ZNF827: variants seen among roughly 807,000 people sequenced by gnomAD.
ZNF827 encodes the protein zinc finger protein 827.
In ZNF827, 13 loss-of-function variants were observed where a neutral mutation model predicts 102.4. That is an observed-to-expected ratio of 0.13 (90% CI 0.08 to 0.20). ZNF827 has a LOEUF of 0.20. Among genes scored for constraint, ZNF827 ranks in the 10% least tolerant of loss-of-function variants. The pLI, the probability that ZNF827 is intolerant of heterozygous loss-of-function variation, is 1.00. For synonymous variants in ZNF827, 523 were observed against 536.2 expected (o/e 0.98, Z 0.34); for missense variants, 1,103 against 1,344.4 (o/e 0.82, Z 2.81).
At chr4:145,841,221 G>A (rs1477327970) in intron 7 of ZNF827, among the ~76,000 whole-genome samples, 3 of 152,196 alleles carry the variant, frequency 2.0e-5, no homozygotes, top group Non-Finnish European at 4.4e-5. Flanking sequence ...CATTGAGCAT[G>A]TCCAATTCAC....
At chr4:145,787,793 A>G (rs906227386) in intron 8 of ZNF827, among the ~76,000 whole-genome samples, 1 of 152,092 alleles carries the variant, frequency 6.6e-6, no homozygotes, top group Admixed American at 6.5e-5. Context: ...GATACTTCCA[A>G]TCCAACTCCT....
At chr4:145,862,661 G>A (rs1747843428) in intron 5 of ZNF827, among the ~76,000 whole-genome samples, 1 of 152,166 alleles carries the variant, frequency 6.6e-6, no homozygotes, top group African/African-American at 2.4e-5. Flanking sequence ...TTTGCCATCA[G>A]ACATATAAAG....
intron 8 of ZNF827, among the ~76,000 whole-genome samples, chr4:145,791,510 T>C (rs533859837): frequency 3.3e-5 from 5 of 152,210 alleles, no homozygotes; most frequent in Admixed American, 1.3e-4. Flanking sequence ...TATGTCATAA[T>C]GATTGGCAGC....
chr4:145,933,924 C>G (rs1186905286), intron 1 of ZNF827, among the ~76,000 whole-genome samples: 2 of 152,212 alleles, frequency 1.3e-5, no homozygotes, highest in Non-Finnish European at 2.9e-5. Flanking sequence ...GTTAGCCACA[C>G]AGTTACCCAC....
intron 11 of ZNF827, among the ~76,000 whole-genome samples, chr4:145,769,471 T>G (rs1380343212): frequency 1.3e-5 from 2 of 152,208 alleles, no homozygotes; most frequent in African/African-American, 4.8e-5. Flanking sequence ...AACTACCATC[T>G]CTAAACATAG....
At chr4:145,909,949 T>C (rs140562551) in intron 1 of ZNF827, among the ~76,000 whole-genome samples, 1 of 152,188 alleles carries the variant, frequency 6.6e-6, no homozygotes, top group Non-Finnish European at 1.5e-5. Flanking sequence ...ATTACAGTTA[T>C]CGAAACACGG....
At chr4:145,816,608 A>G (rs1427665050) in intron 8 of ZNF827, among the ~76,000 whole-genome samples, 14 of 152,186 alleles carry the variant, frequency 9.2e-5, no homozygotes, top group Admixed American at 9.2e-4. Flanking sequence ...AAATACACCT[A>G]TACTCTAAGA....
chr4:145,761,046 G>T lies in ZNF827; in HGVS notation c.*570C>A. On this transcript the variant is annotated 3_prime_UTR_variant, in exon 15 of 15. Coordinates refer to ENST00000508784, the MANE Select transcript of ZNF827 (RefSeq NM_001306215.2). This position sits in a 1 kb window ranked among gnomAD's most constrained non-coding sequence, Gnocchi z 6.8. ...TGCCGTGGGCTGCCGACAGGGCCAC[G>T]GTCTGCAGAGCCTGGGAGGCAGACA... 7.8e-7 allele frequency: 1 copy of T among 1,288,010 alleles called. No individual in the cohort carries two copies. Among genetic ancestry groups the T allele is most frequent in the Non-Finnish European group, 1.0e-6 (1 of 987,566 alleles). 79.8% of individuals were successfully genotyped at this position (1,288,010 alleles called of 1,614,324 possible).
chr4:145,823,567 T>C, intron 7 of ZNF827, 42 bp from the exon 8 acceptor site: 1 of 1,397,054 alleles, frequency 7.2e-7, no homozygotes, highest in Non-Finnish European at 1.0e-6. Flanking sequence ...AAATTAAAGT[T>C]ATTTAAGACA....
At chr4:145,920,696 G>C (rs1365145590) in intron 1 of ZNF827, among the ~76,000 whole-genome samples, 1 of 152,208 alleles carries the variant, frequency 6.6e-6, no homozygotes, top group Non-Finnish European at 1.5e-5. Context: ...CTGTGACCCA[G>C]TCTTAACTTC....
At chr4:145,915,953 C>A (rs1752637127) in intron 1 of ZNF827, among the ~76,000 whole-genome samples, 1 of 152,236 alleles carries the variant, frequency 6.6e-6, no homozygotes, top group Non-Finnish European at 1.5e-5. Context: ...CAAAACCCAA[C>A]AGGGAAAACA....
At chr4:145,847,275 CA>C (rs1306375443) in intron 6 of ZNF827, among the ~76,000 whole-genome samples, 1 of 152,162 alleles carries the variant, frequency 6.6e-6, no homozygotes, top group Non-Finnish European at 1.5e-5. Flanking sequence ...TACACATACA[CA>C]TGCACACACA....
chr4:145,912,626 G>C (rs1024647261), intron 1 of ZNF827, among the ~76,000 whole-genome samples: 1 of 152,168 alleles, frequency 6.6e-6, no homozygotes, highest in Admixed American at 6.5e-5. Flanking sequence ...CAGTATGACT[G>C]GTGTCCTTAT....
intron 1 of ZNF827, among the ~76,000 whole-genome samples, chr4:145,936,146 C>A (rs1754149168): frequency 6.6e-6 from 1 of 152,074 alleles, no homozygotes; most frequent in African/African-American, 2.4e-5. Context: ...CTCCCCTGAC[C>A]CCCTCAGGAT....
intron 11 of ZNF827, among the ~76,000 whole-genome samples, chr4:145,766,583 T>C (rs1024435103): frequency 2.6e-5 from 4 of 152,186 alleles, no homozygotes; most frequent in Admixed American, 6.5e-5. Flanking sequence ...GACCAGATTT[T>C]GCAGGACGGA....
chr4:145,832,202 C>G (rs1744279205), intron 7 of ZNF827: 1 of 152,234 alleles, frequency 6.6e-6, no homozygotes, highest in South Asian at 2.1e-4. Flanking sequence ...GAGGTAGAGG[C>G]TGCAGTGAGT....
chr4:145,906,125 G>A (rs527955983), intron 1 of ZNF827, among the ~76,000 whole-genome samples: 10 of 152,316 alleles, frequency 6.6e-5, no homozygotes, highest in Middle Eastern at 6.8e-3. Flanking sequence ...ACACGACCAC[G>A]TAGAGCTAAT....
At position 145,803,651 on chromosome 4, in the gene ZNF827, T is replaced by C. The variant is rs960598353; in HGVS notation, c.2383+19771A>G. Among the ~76,000 whole-genome samples, 2 of 151,996 alleles carry C rather than the reference T, an allele frequency of 1.3e-5. 1 individual carries two copies. The highest frequency in any genetic ancestry group is 1.3e-4 in the Admixed American group (2 of 15,266). On this transcript the variant is annotated intron_variant, in intron 8 of 14. Coordinates refer to ENST00000508784, the MANE Select transcript of ZNF827 (RefSeq NM_001306215.2). ...TTCCTCCATTTTAGGTGGAGAGGAG[T>C]TTTTCCAATTGATCAAAGGATTCCT...
chr4:145,806,100 A>G (rs1365024402), intron 8 of ZNF827, among the ~76,000 whole-genome samples: 1 of 151,646 alleles, frequency 6.6e-6, no homozygotes, highest in African/African-American at 2.4e-5. Context: ...GGACCTAAGA[A>G]GTACCTGGCA....
Sources: allele counts gnomAD v4.1 joint callset (sites outside exome capture counted in the v4.1 genomes callset), GRCh38; gene constraint gnomAD v4.1.1; non-coding constraint Gnocchi (gnomAD v3.1); transcripts MANE v1.5; gene names NCBI Gene and HGNC (gene_info 2026-07-23, HGNC 2026-07-21).